Variants in KCNAB1 observed in about 807,000 individuals in gnomAD.
KCNAB1 encodes the protein potassium voltage-gated channel subfamily A regulatory beta subunit 1, also known as voltage-gated potassium channel subunit beta-1.
A neutral mutation model predicts 64.6 loss-of-function variants in KCNAB1; 35 were observed. That is an observed-to-expected ratio of 0.54 (90% CI 0.41 to 0.72). The LOEUF (loss-of-function observed/expected upper bound fraction) is 0.72, where lower values mean the gene tolerates loss of function less well. KCNAB1 is among the 30% of genes least tolerant of loss of function. The pLI is 0.00. For synonymous variants in KCNAB1, 177 were observed against 183.8 expected, an observed-to-expected ratio of 0.96 and a Z score of 0.30; for missense variants, 401 against 512.9, an observed-to-expected ratio of 0.78 and a Z score of 2.11.
chr3:156,349,861 A>C (rs1724740154), intron 1 of KCNAB1, among the ~76,000 whole-genome samples: 1 of 152,154 alleles, frequency 6.6e-6, no homozygotes, highest in Non-Finnish European at 1.5e-5. Flanking sequence ...CACTGTGCTC[A>C]GCTGTTTTTC....
chr3:156,296,026 G>A (rs1308449572), intron 1 of KCNAB1, among the ~76,000 whole-genome samples: 1 of 152,140 alleles, frequency 6.6e-6, no homozygotes, highest in Non-Finnish European at 1.5e-5. Flanking sequence ...GAGTTTCATA[G>A]TTGTGCTTTG....
chr3:156,306,734 A>C (rs1209431994), intron 1 of KCNAB1, among the ~76,000 whole-genome samples: 1 of 152,218 alleles, frequency 6.6e-6, no homozygotes, highest in Non-Finnish European at 1.5e-5. Flanking sequence ...TGGCCCTGTG[A>C]CAGTGGAGAG....
chr3:156,121,056 A>G lies in KCNAB1; in HGVS notation c.275+170A>G, dbSNP rs1713313074. 3.9e-5 allele frequency among the ~76,000 whole-genome samples: 6 copies of G among 152,316 alleles called. No individual in the cohort carries two copies. The South Asian group carries it at 1.2e-3, about 32-fold the overall frequency. ...CACAAAGAGCAGGATCTTGGTGCAA[A>G]TGGCAAATAATGTTCCCTGCATTGT... On this transcript the variant is annotated intron_variant, in intron 1 of 13. Coordinates refer to ENST00000490337, the MANE Select transcript of KCNAB1 (RefSeq NM_172160.3).
chr3:156,375,735 A>G (rs1477987124), intron 1 of KCNAB1, among the ~76,000 whole-genome samples: 1 of 135,932 alleles, frequency 7.4e-6, no homozygotes, highest in East Asian at 1.9e-4. Context: ...ACCATATGCA[A>G]AAGAACAGAG....
At chr3:156,217,450 G>A (rs954838074) in intron 1 of KCNAB1, among the ~76,000 whole-genome samples, 5 of 152,162 alleles carry the variant, frequency 3.3e-5, no homozygotes, top group African/African-American at 7.2e-5. Flanking sequence ...TTTTAAAAAT[G>A]ACTTTCTTAA....
intron 8 of KCNAB1, 100 bp downstream of exon 8, chr3:156,474,920 A>T: frequency 2.1e-6 from 2 of 951,008 alleles, no homozygotes; most frequent in Non-Finnish European, 3.3e-6. Context: ...GACTGATCAA[A>T]CTGAATGTGA....
intron 1 of KCNAB1, among the ~76,000 whole-genome samples, chr3:156,125,107 C>T (rs1713573135): frequency 6.6e-6 from 1 of 151,280 alleles, no homozygotes; most frequent in Admixed American, 6.6e-5. Flanking sequence ...CACTGCACTC[C>T]AGCCTGGGTG....
intron 1 of KCNAB1, among the ~76,000 whole-genome samples, chr3:156,339,163 G>A (rs748731701): frequency 6.6e-6 from 1 of 152,122 alleles, no homozygotes; most frequent in East Asian, 1.9e-4. Flanking sequence ...TTTCCCCCTA[G>A]AGGAGGAATG....
At chr3:156,266,745 C>T (rs973063987) in intron 1 of KCNAB1, among the ~76,000 whole-genome samples, 1 of 152,188 alleles carries the variant, frequency 6.6e-6, no homozygotes, top group Non-Finnish European at 1.5e-5. Flanking sequence ...GAATCAGTTA[C>T]ACAGTGATGT....
chr3:156,173,219 G>T (rs1009761280), intron 1 of KCNAB1, among the ~76,000 whole-genome samples: 1 of 152,150 alleles, frequency 6.6e-6, no homozygotes, highest in Non-Finnish European at 1.5e-5. Context: ...AATTGACTCA[G>T]CACTTTTCTT....
intron 1 of KCNAB1, among the ~76,000 whole-genome samples, chr3:156,306,040 T>TA (rs1721470043): frequency 6.6e-6 from 1 of 152,140 alleles, no homozygotes; most frequent in Non-Finnish European, 1.5e-5. Flanking sequence ...CTGTATTCCT[T>TA]AAAGTAGTGA....
intron 1 of KCNAB1, among the ~76,000 whole-genome samples, chr3:156,289,876 G>A (rs1363217689): frequency 6.6e-6 from 1 of 152,150 alleles, no homozygotes; most frequent in Non-Finnish European, 1.5e-5. Flanking sequence ...TAATCACGTA[G>A]ATAGATTGTG....
chr3:156,534,189 T>C (rs1251027506), intron 13 of KCNAB1, among the ~76,000 whole-genome samples: 2 of 152,046 alleles, frequency 1.3e-5, no homozygotes, highest in African/African-American at 4.8e-5. Context: ...TGCCCAGCAG[T>C]GGTGGCACTG....
At chr3:156,431,019 A>G (rs987059615) in intron 2 of KCNAB1, among the ~76,000 whole-genome samples, 3 of 152,224 alleles carry the variant, frequency 2.0e-5, no homozygotes, top group Admixed American at 1.3e-4. Context: ...GGGGACCGGA[A>G]TCCATGTCTC....
chr3:156,518,480 GAA>G (rs199523079), intron 11 of KCNAB1, among the ~76,000 whole-genome samples: 6 of 136,970 alleles, frequency 4.4e-5, no homozygotes, highest in African/African-American at 1.6e-4. Flanking sequence ...GAAAAGAAAA[GAA>G]AGAAGGAAGG....
At chr3:156,524,225 G>T (rs546952829) in intron 12 of KCNAB1, 1 of 282,074 alleles carries the variant, frequency 3.5e-6, no homozygotes, top group Non-Finnish European at 6.6e-6. Flanking sequence ...TGTCAGGGGT[G>T]AACTGTGTAG....
At position 156,538,035 on chromosome 3, in the gene KCNAB1, G is replaced by A. The variant is rs145662787; in HGVS notation, c.*1288G>A. 3.9e-5 allele frequency: 6 copies of A among 152,126 alleles called. No individual in the cohort carries two copies. The highest frequency in any genetic ancestry group is 3.3e-4 in the Admixed American group (5 of 15,282). The allele number at this position is 152,126 out of a possible 1,614,324, so 9.4% of individuals were successfully genotyped here. A position where few individuals can be genotyped will look rare whatever the true frequency, so the allele number is the denominator to read the frequency against. ...TACCCTTGTTGCACTCGAAATCTGA[G>A]GTGTATCTAGCCCTGCCACTATTGG... On this transcript the variant is annotated 3_prime_UTR_variant, in exon 14 of 14. Coordinates refer to ENST00000490337, the MANE Select transcript of KCNAB1 (RefSeq NM_172160.3).
rs182746455 is a variant in KCNAB1, at chr3:156,389,107, C to T, written c.276-32509C>T. ...GACATCACAGCAAAGTAGTGGGGTC[C>T]GGTGGCACTGCAGCCTCTCATGACA... On this transcript the variant is annotated intron_variant, in intron 1 of 13. Coordinates refer to ENST00000490337, the MANE Select transcript of KCNAB1 (RefSeq NM_172160.3). Among the ~76,000 whole-genome samples the T allele has an allele frequency of 9.7e-4, 147 of 152,180 alleles. 1 individual carries two copies. Among genetic ancestry groups the T allele is most frequent in the African/African-American group, 9.4e-4 (39 of 41,508 alleles).
At chr3:156,207,587 A>C (rs1019530014) in intron 1 of KCNAB1, among the ~76,000 whole-genome samples, 1 of 152,234 alleles carries the variant, frequency 6.6e-6, no homozygotes, top group African/African-American at 2.4e-5. Flanking sequence ...ATTAAACAGG[A>C]ACAATACAAA....
Sources: gnomAD v4.1 joint callset for allele counts (sites outside exome capture counted in the v4.1 genomes callset) on GRCh38, gnomAD v4.1.1 for gene constraint, MANE v1.5 for transcripts, NCBI Gene and HGNC (gene_info 2026-07-23, HGNC 2026-07-21) for gene names.